Variants in SPIRE1 observed in about 807,000 individuals in gnomAD.
The protein encoded by SPIRE1 is protein spire homolog 1.
SPIRE1 carries 40 observed loss-of-function variants against 94.1 expected under a neutral mutation model. The ratio of observed to expected loss-of-function variants is 0.43; its 90% CI spans 0.33 to 0.55. The LOEUF is 0.55. Among genes scored for constraint, SPIRE1 ranks in the 20% least tolerant of loss-of-function variants. The probability of loss-of-function intolerance (pLI) is 0.06; values close to 1 mark genes in which losing one functional copy is unlikely to be tolerated. For missense variants in SPIRE1, 838 were observed against 975.2 expected (o/e 0.86, Z 1.87); for synonymous variants, 376 against 371.7 (o/e 1.01, Z -0.13).
At chr18:12,611,392 A>G (rs1462028157) in intron 2 of SPIRE1, among the ~76,000 whole-genome samples, 1 of 152,234 alleles carries the variant, frequency 6.6e-6, no homozygotes, top group Non-Finnish European at 1.5e-5. Context: ...CTGCCTTGTC[A>G]GGAGGATACT....
At chr18:12,626,778 T>A (rs2037637516) in intron 2 of SPIRE1, among the ~76,000 whole-genome samples, 1 of 151,466 alleles carries the variant, frequency 6.6e-6, no homozygotes, top group South Asian at 2.1e-4. Flanking sequence ...CTCTCATCCC[T>A]AAAATGCAAA....
intron 2 of SPIRE1, among the ~76,000 whole-genome samples, chr18:12,554,296 CAAAAAAA>C (rs35637714): frequency 1.8e-5 from 1 of 56,364 alleles, no homozygotes; most frequent in Non-Finnish European, 3.9e-5. Context: ...AGACTCTGTT[CAAAAAAA>C]AAAAAAAAAA....
intron 4 of SPIRE1, among the ~76,000 whole-genome samples, chr18:12,517,949 G>A (rs1447374815): frequency 1.3e-5 from 2 of 152,056 alleles, no homozygotes; most frequent in Non-Finnish European, 2.9e-5. Context: ...ATGTGTACAT[G>A]TTTTCAGTTA....
chr18:12,539,034 C>A (rs1044069887), intron 3 of SPIRE1, among the ~76,000 whole-genome samples: 1 of 152,214 alleles, frequency 6.6e-6, no homozygotes, highest in East Asian at 1.9e-4. Context: ...CAGGCAAAAT[C>A]TTTTATAAAT....
chr18:12,557,178 C>T (rs1361829908), intron 2 of SPIRE1, among the ~76,000 whole-genome samples: 7 of 152,184 alleles, frequency 4.6e-5, no homozygotes, highest in Non-Finnish European at 7.4e-5. Flanking sequence ...TCAATGGGAC[C>T]GGTCGCCGCG....
intron 10 of SPIRE1, 117 bp downstream of exon 10, chr18:12,479,582 T>C (rs2032763100): frequency 4.2e-6 from 4 of 946,208 alleles, no homozygotes; most frequent in Admixed American, 2.8e-5. Context: ...CTAGCTTTAC[T>C]GGTTGAAAAA....
intron 2 of SPIRE1, among the ~76,000 whole-genome samples, chr18:12,633,467 T>C (rs896970019): frequency 6.6e-6 from 1 of 151,874 alleles, no homozygotes; most frequent in East Asian, 1.9e-4. Context: ...TCCCAGCGAC[T>C]CGGGAAGCTG....
At chr18:12,552,692 C>T (rs917618067) in intron 2 of SPIRE1, among the ~76,000 whole-genome samples, 4 of 152,086 alleles carry the variant, frequency 2.6e-5, no homozygotes, top group Admixed American at 2.0e-4. Context: ...CCAGTGTATG[C>T]AACCCCCAGT....
chr18:12,657,231 T>TCCCGCGGGCAGCACAATGACGAGCGC (rs1476263495), intron 1 of SPIRE1, among the ~76,000 whole-genome samples: 3 of 147,632 alleles, frequency 2.0e-5, no homozygotes, highest in East Asian at 1.9e-4. Context: ...CGGGCAGCTG[T>TCCCGCGGGCAGCACAATGACGAGCGC]CCCGCGGGCA....
chr18:12,647,747 A>G (rs528994768), intron 1 of SPIRE1, among the ~76,000 whole-genome samples: 34 of 152,316 alleles, frequency 2.2e-4, no homozygotes, highest in African/African-American at 7.7e-4. Context: ...GAGCAAAACT[A>G]CAACTTTAAA....
chr18:12,540,100 T>A (rs554050520), intron 3 of SPIRE1, among the ~76,000 whole-genome samples: 98 of 151,550 alleles, frequency 6.5e-4, no homozygotes, highest in Admixed American at 1.1e-3. Flanking sequence ...AAGGAAAGAG[T>A]GTCCCAGGCA....
At chr18:12,634,687 C>A (rs2037874386) in intron 2 of SPIRE1, among the ~76,000 whole-genome samples, 1 of 152,098 alleles carries the variant, frequency 6.6e-6, no homozygotes, top group African/African-American at 2.4e-5. Flanking sequence ...ATAATCCCAG[C>A]ACTTTGAAAG....
At chr18:12,525,831 C>A (rs1182653616) in intron 4 of SPIRE1, among the ~76,000 whole-genome samples, 1 of 152,054 alleles carries the variant, frequency 6.6e-6, no homozygotes, top group Admixed American at 6.6e-5. Flanking sequence ...TGTTATAACT[C>A]CATCTACTCA....
chr18:12,566,035 C>CAAAA (rs952452042), intron 2 of SPIRE1, among the ~76,000 whole-genome samples: 9 of 139,674 alleles, frequency 6.4e-5, no homozygotes, highest in South Asian at 2.3e-4. Flanking sequence ...AACAAACAAA[C>CAAAA]AAAAAAAAAA....
chr18:12,509,901 A>G (rs1413709240), intron 5 of SPIRE1, among the ~76,000 whole-genome samples: 1 of 152,112 alleles, frequency 6.6e-6, no homozygotes, highest in Non-Finnish European at 1.5e-5. Flanking sequence ...CCTGACCAAC[A>G]TGGTGAAACC....
intron 2 of SPIRE1, among the ~76,000 whole-genome samples, chr18:12,602,868 A>G (rs1370864695): frequency 6.6e-6 from 1 of 152,236 alleles, no homozygotes; most frequent in East Asian, 1.9e-4. Context: ...TCCACCCATA[A>G]GAATGGTCAA....
At position 12,463,384 on chromosome 18, in the gene SPIRE1, G is replaced by A. The variant is rs780347252; in HGVS notation, c.1605C>T (p.Phe535=). 1.9e-6 allele frequency: 3 copies of A among 1,613,814 alleles called. No individual in the cohort carries two copies. The Admixed American group carries it at 5.0e-5, about 27-fold the overall frequency. ...EKETPTNVRQ[F]LPPSRQSSRS... The stretch of plus-strand genomic sequence containing the variant: ...GGGAACTCTGCCTGGAAGGCGGCAG[G>A]AACTGCCTCACGTTAGTAGGCGTTT... Residue 535 remains phenylalanine, a synonymous_variant, in exon 12 of 17, where the codon TTC becomes TTT. Coordinates refer to ENST00000409402, the MANE Select transcript of SPIRE1 (RefSeq NM_001128626.2).
intron 3 of SPIRE1, among the ~76,000 whole-genome samples, chr18:12,542,576 C>G (rs1328421796): frequency 6.6e-6 from 1 of 152,140 alleles, no homozygotes; most frequent in Admixed American, 6.5e-5. Flanking sequence ...CACCTGCCCC[C>G]TTCCCTATTG....
At chr18:12,622,421 CTTTT>C (rs71371281) in intron 2 of SPIRE1, among the ~76,000 whole-genome samples, 1,932 of 114,832 alleles carry the variant, frequency 0.017, 47 homozygotes, top group African/African-American at 0.057. Flanking sequence ...TATGTCCAGT[CTTTT>C]TTTTTTTTTT....
Sources: gnomAD v4.1 joint callset for allele counts (sites outside exome capture counted in the v4.1 genomes callset) on GRCh38, gnomAD v4.1.1 for gene constraint, MANE v1.5 for transcripts, NCBI Gene and HGNC (gene_info 2026-07-23, HGNC 2026-07-21) for gene names.